The following NGFR variants were observed in gnomAD, a reference collection of about 807,000 sequenced individuals.
NGFR encodes nerve growth factor receptor, also known as tumor necrosis factor receptor superfamily member 16.
Under a neutral mutation model 43.2 loss-of-function variants are expected in NGFR, and 30 were observed. The ratio of observed to expected loss-of-function variants is 0.69; its 90% CI spans 0.52 to 0.94. NGFR has a LOEUF of 0.94. Among genes scored for constraint, NGFR ranks in the 40% least tolerant of loss-of-function variants. The probability of loss-of-function intolerance (pLI) is 0.00; values close to 1 mark genes in which losing one functional copy is unlikely to be tolerated. For synonymous variants in NGFR, 246 were observed against 259.6 expected, an observed-to-expected ratio of 0.95 and a Z score of 0.50; for missense variants, 529 against 602.5, an observed-to-expected ratio of 0.88 and a Z score of 1.28.
At chr17:49,507,865 G>A (rs2071209191) in intron 3 of NGFR, among the ~76,000 whole-genome samples, 1 of 152,208 alleles carries the variant, frequency 6.6e-6, no homozygotes, top group Non-Finnish European at 1.5e-5. Flanking sequence ...AGCTGAAGGA[G>A]AGATAGCTCT....
chr17:49,512,059 AGC>A lies in NGFR; in HGVS notation c.982+9_982+10del, dbSNP rs775914225. Reference sequence around the variant, plus strand: ...CAGACAGCCTCGGGCCAGGGTGAGCAGCGGCCCGCTGGGGAGCTGAGGCGGAG... The same window carrying A: ...CAGACAGCCTCGGGCCAGGGTGAGCAGGCCCGCTGGGGAGCTGAGGCGGAG... On this transcript the variant is annotated splice_region_variant and intron_variant, in intron 5 of 5. Transcript: ENST00000172229. The surrounding 1 kb of genome is among the most constrained non-coding windows in gnomAD (Gnocchi z 5.2). 8 of 1,611,758 alleles carry A rather than the reference AGC, an allele frequency of 5.0e-6. No individual in the cohort carries two copies. In the South Asian group the frequency reaches 8.8e-5, roughly 18 times the overall value.
At chr17:49,496,616 C>T (rs1420323174) in intron 1 of NGFR, 1 of 152,202 alleles carries the variant, frequency 6.6e-6, no homozygotes, top group Non-Finnish European at 1.5e-5. Context: ...CCGCCGCTGC[C>T]TGCCTGCGAG....
chr17:49,511,490 A>G (rs769163865), intron 4 of NGFR, among the ~76,000 whole-genome samples: 4 of 147,666 alleles, frequency 2.7e-5, no homozygotes, highest in Admixed American at 6.7e-5. Context: ...ATGGTAATTT[A>G]TTTAGCCAGT....
At position 49,510,322 on chromosome 17, in the gene NGFR, C is replaced by T. The variant is rs1012309938; in HGVS notation, c.569-90C>T. ...GGCACAAGAGCACCTGGAGCCAGGG[C>T]GGGGACACAGGAAGAACACGGCAGT... On this transcript the variant is annotated intron_variant, in intron 3 of 5. Transcript: ENST00000172229. 7.6e-5 allele frequency: 118 copies of T among 1,550,642 alleles called. No individual in the cohort carries two copies. In the African/African-American group the frequency reaches 1.2e-3, roughly 16 times the overall value.
At chr17:49,502,294 A>G (rs1597860281) in intron 2 of NGFR, 90 bp downstream of exon 2, 1 of 1,407,618 alleles carries the variant, frequency 7.1e-7, no homozygotes, top group Non-Finnish European at 9.5e-7. Context: ...AAGCATGCCC[A>G]GTAGAGGCCT....
At chr17:49,501,999 A>ATGG in intron 1 of NGFR, 64 bp from the exon 2 acceptor site, 44 of 330,974 alleles carry the variant, frequency 1.3e-4, no homozygotes, top group Non-Finnish European at 2.2e-4. Context: ...TCCCCGGAAG[A>ATGG]ACCCCCCCCA....
chr17:49,501,366 T>C (rs1002467130), intron 1 of NGFR, among the ~76,000 whole-genome samples: 4 of 152,232 alleles, frequency 2.6e-5, no homozygotes, highest in Non-Finnish European at 4.4e-5. Context: ...TTTTGCCAAA[T>C]GGCTGGCCTT....
rs767295637 is a variant in NGFR at position 49,506,451 on chromosome 17, C to T, written c.361C>T (p.Arg121Cys). The change falls in exon 3 of 6, where the codon CGC becomes TGC. Residue 121 changes from arginine to cysteine, a missense_variant. Arg to Cys is a radical substitution (Grantham distance 180). Coordinates refer to ENST00000172229, the MANE Select transcript of NGFR (RefSeq NM_002507.4). ...YGYYQDETTG[R>C]CEACRVCEAG... ...CTACTACCAGGATGAGACGACTGGGCGCTGCGAGGCGTGCCGCGTGTGCGA... is the reference window on the plus strand; with the variant it reads ...CTACTACCAGGATGAGACGACTGGGTGCTGCGAGGCGTGCCGCGTGTGCGA... 2.5e-6 allele frequency: 4 copies of T among 1,608,346 alleles called. No individual in the cohort carries two copies. The highest frequency in any genetic ancestry group is 1.7e-5 in the Admixed American group (1 of 59,884).
At chr17:49,507,435 C>T (rs1357839932) in intron 3 of NGFR, among the ~76,000 whole-genome samples, 5 of 152,116 alleles carry the variant, frequency 3.3e-5, no homozygotes, top group Non-Finnish European at 5.9e-5. Flanking sequence ...CTCAAAAGCC[C>T]GGGGACAAGG....
intron 3 of NGFR, among the ~76,000 whole-genome samples, chr17:49,508,838 T>G (rs2071214747): frequency 1.3e-5 from 2 of 151,628 alleles, no homozygotes; most frequent in Non-Finnish European, 2.9e-5. Context: ...CTTGCTACCC[T>G]CCCAGCCTTC....
Position 49,506,421 on chromosome 17 carries a change from T to C in NGFR, c.331T>C (p.Tyr111His), listed in dbSNP as rs1354780195. 6.2e-7 allele frequency: 1 copy of C among 1,606,226 alleles called. No individual in the cohort carries two copies. ...EADDAVCRCA[Y>H]GYYQDETTGR... Reference sequence around the variant, plus strand: ...CGACGACGCCGTGTGCCGCTGCGCCTACGGCTACTACCAGGATGAGACGAC... The same window carrying C: ...CGACGACGCCGTGTGCCGCTGCGCCCACGGCTACTACCAGGATGAGACGAC... Residue 111 changes from tyrosine (Y) to histidine (H), a missense_variant, in exon 3 of 6, where the codon TAC (tyrosine) becomes CAC (histidine). Coordinates refer to ENST00000172229, the MANE Select transcript of NGFR (RefSeq NM_002507.4).
chr17:49,506,357 C>T lies in NGFR; in HGVS notation c.267C>T (p.Cys89=), dbSNP rs1230623681. The change falls in exon 3 of 6, where the codon TGC becomes TGT. Residue 89 remains cysteine (C), a synonymous_variant. Coordinates refer to ENST00000172229, the MANE Select transcript of NGFR (RefSeq NM_002507.4). ...AGCCGTGCAAGCCGTGCACCGAGTG[C>T]GTGGGGCTCCAGAGCATGTCGGCGC... The part of the protein sequence containing the change: ...ATEPCKPCTE[C]VGLQSMSAPC... 6.9e-6 allele frequency: 11 copies of T among 1,595,144 alleles called. 1 individual carries two copies. The highest frequency in any genetic ancestry group is 2.2e-5 in the South Asian group (2 of 90,642).
chr17:49,512,110 A>G lies in NGFR; in HGVS notation c.982+58A>G, dbSNP rs2071237143. ...AGCTGAGGCTGAGGAAACAGAAGCA[A>G]TTAAGATTAGACTCCAGGAAGGACT... On this transcript the variant is annotated intron_variant, in intron 5 of 5. Coordinates refer to ENST00000172229, the MANE Select transcript of NGFR (RefSeq NM_002507.4). This position sits in a 1 kb window ranked among gnomAD's most constrained non-coding sequence, Gnocchi z 5.2. 6.3e-7 allele frequency: 1 copy of G among 1,576,814 alleles called. No individual in the cohort carries two copies. The highest frequency in any genetic ancestry group is 1.8e-5 in the Admixed American group (1 of 55,570).
chr17:49,505,161 C>T (rs1390550928), intron 2 of NGFR, among the ~76,000 whole-genome samples: 2 of 152,056 alleles, frequency 1.3e-5, no homozygotes, highest in Non-Finnish European at 2.9e-5. Flanking sequence ...GCCAGTGACC[C>T]CTTGCTCCAT....
chr17:49,506,648 C>T lies in NGFR; in HGVS notation c.558C>T (p.Ala186=), dbSNP rs900366991. The T allele has an allele frequency of 1.4e-5, 15 of 1,061,118 alleles. No homozygotes were observed. Among genetic ancestry groups the T allele is most frequent in the African/African-American group, 4.9e-5 (2 of 40,734 alleles). The allele number at this position is 1,061,118 out of a possible 1,614,324, so 65.7% of individuals were successfully genotyped here. Reference sequence around the variant, plus strand: ...GCGAGTGCACACGCTGGGCCGACGCCGAGTGCGAGGGTGAGTGCGGTTCGG... The same window carrying T: ...GCGAGTGCACACGCTGGGCCGACGCTGAGTGCGAGGGTGAGTGCGGTTCGG... ...QLRECTRWAD[A]ECEEIPGRWI... The change falls in exon 3 of 6, where the codon GCC becomes GCT. Residue 186 remains alanine, a synonymous_variant. Transcript: ENST00000172229.
intron 4 of NGFR, 47 bp downstream of exon 4, chr17:49,510,711 A>G (rs111639542): frequency 9.4e-6 from 15 of 1,600,326 alleles, no homozygotes; most frequent in African/African-American, 6.7e-5. Context: ...GTTTGCCCTC[A>G]AGGAAGACTT....
At chr17:49,501,999 A>AGCCCCCCCCCCCC in intron 1 of NGFR, 64 bp from the exon 2 acceptor site, 4 of 330,982 alleles carry the variant, frequency 1.2e-5, no homozygotes, top group Non-Finnish European at 2.3e-5. Context: ...TCCCCGGAAG[A>AGCCCCCCCCCCCC]ACCCCCCCCA....
intron 4 of NGFR, among the ~76,000 whole-genome samples, chr17:49,511,321 T>A (rs889349018): frequency 6.6e-6 from 1 of 152,178 alleles, no homozygotes; most frequent in Non-Finnish European, 1.5e-5. Flanking sequence ...AAACCTTTTA[T>A]AATTACATGT....
chr17:49,502,006 C>CA lies in NGFR; in HGVS notation c.67-57_67-56insA, dbSNP rs1254713344. 1.4e-5 allele frequency: 8 copies of CA among 581,194 alleles called. 3 individuals carry two copies. The highest frequency in any genetic ancestry group is 9.5e-5 in the East Asian group (2 of 20,974). The allele number at this position is 581,194 out of a possible 1,614,324, so 36.0% of individuals were successfully genotyped here. On this transcript the variant is annotated intron_variant, in intron 1 of 5. Coordinates refer to ENST00000172229, the MANE Select transcript of NGFR (RefSeq NM_002507.4). ...TGTTTGATTCCCCGGAAGAACCCCC[C>CA]CCAACCCACCCCAGCTTTCTCTTGC...
Sources: gnomAD v4.1 joint callset for allele counts (sites outside exome capture counted in the v4.1 genomes callset) on GRCh38, gnomAD v4.1.1 for gene constraint, Gnocchi (gnomAD v3.1) non-coding constraint, MANE v1.5 for transcripts, NCBI Gene and HGNC (gene_info 2026-07-23, HGNC 2026-07-21) for gene names.